Variants in APIP observed in about 807,000 individuals in gnomAD.
The protein encoded by APIP is APAF1 interacting protein, also known as methylthioribulose-1-phosphate dehydratase.
In APIP, 32 loss-of-function variants were observed where a neutral mutation model predicts 32.0. The observed-to-expected ratio is 1.00, with a 90% CI of 0.76 to 1.34. The LOEUF is 1.34. Among genes scored for constraint, APIP ranks in the 40% most tolerant of loss-of-function variants. The pLI is 0.00. For synonymous variants in APIP, 92 were observed against 94.8 expected, an observed-to-expected ratio of 0.97 and a Z score of 0.17; for missense variants, 247 against 298.6, an observed-to-expected ratio of 0.83 and a Z score of 1.27.
intron 6 of APIP, 37 bp from the exon 7 acceptor site, chr11:34,882,853 G>A: frequency 2.3e-6 from 3 of 1,330,834 alleles, no homozygotes; most frequent in Non-Finnish European, 3.2e-6. Flanking sequence ...AGTGTTTATC[G>A]AAACAGAGTT....
intron 1 of APIP, chr11:34,915,851 A>T: frequency 3.4e-6 from 1 of 296,770 alleles, no homozygotes; most frequent in East Asian, 6.8e-5. Context: ...GGGCGCAGAA[A>T]AGAAGCTTGG....
At chr11:34,892,729 A>G (rs1215682690) in intron 2 of APIP, among the ~76,000 whole-genome samples, 1 of 152,186 alleles carries the variant, frequency 6.6e-6, no homozygotes, top group Admixed American at 6.5e-5. Flanking sequence ...GGTCCAGTCA[A>G]ATCTTGGAAT....
chr11:34,903,141 C>T (rs947182167), intron 1 of APIP, among the ~76,000 whole-genome samples: 2 of 152,336 alleles, frequency 1.3e-5, no homozygotes, highest in African/African-American at 4.8e-5. Context: ...GACTTGTTCT[C>T]ATCTAAATCC....
At chr11:34,893,907 C>A (rs1590705885) in intron 2 of APIP, among the ~76,000 whole-genome samples, 1 of 152,118 alleles carries the variant, frequency 6.6e-6, no homozygotes, top group Non-Finnish European at 1.5e-5. Flanking sequence ...TTCAACAGCA[C>A]ATAAATATTT....
intron 3 of APIP, among the ~76,000 whole-genome samples, chr11:34,890,113 A>G (rs1853161026): frequency 6.6e-6 from 1 of 152,168 alleles, no homozygotes; most frequent in Non-Finnish European, 1.5e-5. Flanking sequence ...AAAGTTTCAT[A>G]ACTTGAAATC....
rs568253210 is a variant in APIP, at chr11:34,908,534, C to T, written c.57+7694G>A. Reference sequence around the variant, plus strand: ...TCTACCTTCACCACACTTAAAAACCCTCCTCCTCCTCATCAGTCAAGTGTT... The same window carrying T: ...TCTACCTTCACCACACTTAAAAACCTTCCTCCTCCTCATCAGTCAAGTGTT... On this transcript the variant is annotated intron_variant, in intron 1 of 6. Transcript: ENST00000395787. Among the ~76,000 whole-genome samples the T allele has an allele frequency of 2.0e-5, 3 of 152,308 alleles. No individual in the cohort carries two copies. In the South Asian group the frequency reaches 6.2e-4, roughly 32 times the overall value.
chr11:34,902,837 C>T (rs1433554224), intron 1 of APIP, among the ~76,000 whole-genome samples: 1 of 152,124 alleles, frequency 6.6e-6, no homozygotes, highest in African/African-American at 2.4e-5. Context: ...TTAACACAGG[C>T]CCGAGGACCA....
rs117870629 is a variant in APIP at position 34,887,147 on chromosome 11, T to C, written c.461+1146A>G. Among the ~76,000 whole-genome samples, 68 of 152,236 alleles carry C rather than the reference T, an allele frequency of 4.5e-4. No homozygotes were observed. In the East Asian group the frequency reaches 0.01, roughly 23 times the overall value. On this transcript the variant is annotated intron_variant, in intron 5 of 6. Transcript: ENST00000395787. ...TCTATTACTCATTTCCCAGCTAGAC[T>C]CCAACAGAATTGCAAAGGGCCACCA...
At chr11:34,885,438 G>A (rs1019572802) in intron 5 of APIP, among the ~76,000 whole-genome samples, 2 of 152,126 alleles carry the variant, frequency 1.3e-5, no homozygotes, top group South Asian at 2.1e-4. Flanking sequence ...GGGGGCGAAC[G>A]TGGGAATAAA....
chr11:34,915,340 C>T (rs1370522734), intron 1 of APIP, among the ~76,000 whole-genome samples: 1 of 152,164 alleles, frequency 6.6e-6, no homozygotes, highest in African/African-American at 2.4e-5. Context: ...GGGGAAGTCA[C>T]TTATTCAAAC....
chr11:34,913,269 G>T (rs754989147), intron 1 of APIP, among the ~76,000 whole-genome samples: 3 of 152,166 alleles, frequency 2.0e-5, no homozygotes, highest in Non-Finnish European at 2.9e-5. Context: ...GGCCCTTTAG[G>T]TCTGGTCCTA....
intron 5 of APIP, among the ~76,000 whole-genome samples, chr11:34,885,335 A>T (rs550242743): frequency 6.6e-6 from 1 of 151,486 alleles, no homozygotes. Context: ...ATATACATCA[A>T]TGTCAGACCA....
rs539338858 is a variant in APIP, at chr11:34,892,100, G to A, written c.159-1548C>T. On this transcript the variant is annotated intron_variant, in intron 2 of 6. Transcript: ENST00000395787. Reference sequence around the variant, plus strand: ...TATGTTGTAAATGTCTTTGTAAAATGGAAATTAATTTAGACTTTGATGAAC... The same window carrying A: ...TATGTTGTAAATGTCTTTGTAAAATAGAAATTAATTTAGACTTTGATGAAC... Among the ~76,000 whole-genome samples the A allele has an allele frequency of 5.9e-5, 9 of 152,162 alleles. No homozygotes were observed. In the East Asian group the frequency reaches 1.5e-3, roughly 26 times the overall value.
At chr11:34,884,848 A>G (rs1853034749) in intron 5 of APIP, among the ~76,000 whole-genome samples, 1 of 152,132 alleles carries the variant, frequency 6.6e-6, no homozygotes, top group Non-Finnish European at 1.5e-5. Flanking sequence ...ATAGTCAGAA[A>G]TATTTTCAGG....
At chr11:34,913,511 G>A (rs1056090213) in intron 1 of APIP, among the ~76,000 whole-genome samples, 4 of 151,928 alleles carry the variant, frequency 2.6e-5, no homozygotes, top group African/African-American at 9.7e-5. Flanking sequence ...TGGCACGCAG[G>A]TTGTTCGTTC....
rs1265134303 is a variant in APIP, at chr11:34,904,212, G to A, written c.58-9102C>T. 2.0e-5 allele frequency among the ~76,000 whole-genome samples: 3 copies of A among 152,318 alleles called. No individual in the cohort carries two copies. The East Asian group carries it at 5.8e-4, about 29-fold the overall frequency. ...AAAGAGCCTCTGAGGTAATAAAAATGTTAGTTAATGAAATAACTTCCTGCT... is the reference window on the plus strand; with the variant it reads ...AAAGAGCCTCTGAGGTAATAAAAATATTAGTTAATGAAATAACTTCCTGCT... On this transcript the variant is annotated intron_variant, in intron 1 of 6. Transcript: ENST00000395787.
chr11:34,898,801 T>A (rs1298894682), intron 1 of APIP, among the ~76,000 whole-genome samples: 11 of 128,502 alleles, frequency 8.6e-5, no homozygotes, highest in Admixed American at 7.7e-4. Context: ...TTTTTTTTTT[T>A]TTTTTTTTTT....
chr11:34,902,579 G>A (rs902607301), intron 1 of APIP, among the ~76,000 whole-genome samples: 1 of 152,140 alleles, frequency 6.6e-6, no homozygotes, highest in Non-Finnish European at 1.5e-5. Flanking sequence ...CAACTAAGAG[G>A]ATTTTGGGGC....
At chr11:34,885,406 C>T (rs1362169723) in intron 5 of APIP, among the ~76,000 whole-genome samples, 2 of 151,824 alleles carry the variant, frequency 1.3e-5, no homozygotes, top group Non-Finnish European at 2.9e-5. Context: ...TATACCTGCA[C>T]AGACCTGGTG....
Sources: gnomAD v4.1 joint callset for allele counts (sites outside exome capture counted in the v4.1 genomes callset) on GRCh38, gnomAD v4.1.1 for gene constraint, MANE v1.5 for transcripts, NCBI Gene and HGNC (gene_info 2026-07-23, HGNC 2026-07-21) for gene names.